Variants in MAMDC4 observed in about 807,000 individuals in gnomAD.
The protein encoded by MAMDC4 is MAM domain containing 4, also known as apical endosomal glycoprotein.
A neutral mutation model predicts 153.3 loss-of-function variants in MAMDC4; 168 were observed. That is an observed-to-expected ratio of 1.10 (90% confidence interval 0.97 to 1.25). The LOEUF is 1.25. Among genes scored for constraint, MAMDC4 ranks in the 50% most tolerant of loss-of-function variants. The probability of loss-of-function intolerance (pLI) is 0.00; values close to 1 mark genes in which losing one functional copy is unlikely to be tolerated. For missense variants in MAMDC4, 1,701 were observed against 1,542.8 expected, an observed-to-expected ratio of 1.10 and a Z score of -1.72; for synonymous variants, 744 against 651.5, an observed-to-expected ratio of 1.14 and a Z score of -2.16.
chr9:136,853,749 A>G (rs1391739507), intron 4 of MAMDC4, 28 bp from the exon 5 acceptor site: 1 of 1,607,028 alleles, frequency 6.2e-7, no homozygotes, highest in African/African-American at 1.3e-5. Flanking sequence ...GCAGGGCCGC[A>G]GCTGCCCTGG....
At position 136,858,199 on chromosome 9, in the gene MAMDC4, C is replaced by T. The variant is rs1279266923; in HGVS notation, c.2597C>T (p.Ala866Val). The T allele has an allele frequency of 6.3e-7, 1 of 1,593,214 alleles. No homozygotes were observed. The highest frequency in any genetic ancestry group is 8.5e-7 in the Non-Finnish European group (1 of 1,174,420). ...AERAWRVVFE[A>V]VAAGVAHSYV... ...TGCACCCGCCAGGTGGTGTTTGAGG[C>T]AGTGGCCGCAGGCGTGGCACACTCC... Residue 866 changes from alanine to valine, a missense_variant, in exon 21 of 27, where the codon GCA becomes GTA. Transcript: ENST00000317446.
At chr9:136,854,736 T>C (rs769945203) in intron 8 of MAMDC4, 26 bp from the exon 9 acceptor site, 19 of 1,612,420 alleles carry the variant, frequency 1.2e-5, no homozygotes, top group Middle Eastern at 1.6e-4. Context: ...CCAGTGGCCC[T>C]GGCCCACTCC....
Position 136,860,714 on chromosome 9 carries a change from G to T in MAMDC4, c.*111G>T, listed in dbSNP as rs1849079179. 15 of 1,235,790 alleles carry T rather than the reference G, an allele frequency of 1.2e-5. No homozygotes were observed. Among genetic ancestry groups the T allele is most frequent in the Non-Finnish European group, 1.5e-5 (13 of 854,404 alleles). 76.6% of individuals were successfully genotyped at this position (1,235,790 alleles called of 1,614,324 possible). On this transcript the variant is annotated 3_prime_UTR_variant, in exon 27 of 27. Coordinates refer to ENST00000317446, the MANE Select transcript of MAMDC4 (RefSeq NM_206920.3). Reference sequence around the variant, plus strand: ...AGGCTGGGACAGGCTGCAGGTCTCAGGATATGCTGAGGCCTGGGCGTTCCC... The same window carrying T: ...AGGCTGGGACAGGCTGCAGGTCTCATGATATGCTGAGGCCTGGGCGTTCCC...
intron 6 of MAMDC4, 35 bp from the exon 7 acceptor site, chr9:136,854,176 G>A: frequency 6.2e-7 from 1 of 1,611,780 alleles, no homozygotes; most frequent in Non-Finnish European, 8.5e-7. Flanking sequence ...CCCACTCCTG[G>A]GGCCTCGGTG....
Position 136,855,188 on chromosome 9 carries a change from G to A in MAMDC4, c.1198-66G>A, listed in dbSNP as rs778763045. The A allele has an allele frequency of 1.0e-4, 159 of 1,577,856 alleles. No homozygotes were observed. Among genetic ancestry groups the A allele is most frequent in the Non-Finnish European group, 1.2e-4 (137 of 1,162,674 alleles). Reference sequence around the variant, plus strand: ...GGGGAACCCACAAGGTACCCACTGCGGGTGGACAGGGACCAGACCCCAGGG... The same window carrying A: ...GGGGAACCCACAAGGTACCCACTGCAGGTGGACAGGGACCAGACCCCAGGG... On this transcript the variant is annotated intron_variant, in intron 10 of 26. Coordinates refer to ENST00000317446, the MANE Select transcript of MAMDC4 (RefSeq NM_206920.3).
Position 136,855,065 on chromosome 9 carries a change from C to T in MAMDC4, c.1152C>T (p.Ala384=). The T allele has an allele frequency of 6.2e-7, 1 of 1,601,938 alleles. No individual in the cohort carries two copies. The highest frequency in any genetic ancestry group is 8.5e-7 in the Non-Finnish European group (1 of 1,175,242). Residue 384 remains alanine (A), a synonymous_variant, in exon 10 of 27, where the codon GCC becomes GCT. Coordinates refer to ENST00000317446, the MANE Select transcript of MAMDC4 (RefSeq NM_206920.3). The part of the protein sequence containing the change: ...LRRRRGELGT[A]WVRDRVDIQS... ...GGCGCCGAGGGGAGCTGGGGACCGC[C>T]TGGGTCCGAGACCGTGTTGACATCC...
intron 25 of MAMDC4, 62 bp from the exon 26 acceptor site, chr9:136,859,824 T>C (rs776285314): frequency 6.3e-5 from 99 of 1,575,186 alleles, no homozygotes; most frequent in Middle Eastern, 2.3e-4. Flanking sequence ...GCCCCAGGCT[T>C]CCTCCTTAGC....
In MAMDC4 at chr9:136,852,420, C is replaced by T. The variant is rs1234021708; in HGVS notation, c.4C>T (p.Pro2Ser). The stretch of plus-strand genomic sequence containing the variant: ...CACTGCTCCCTCTGGCCCAACCATG[C>T]CTCTGTCCAGCCACCTGCTGCCCGC... M[P>S]LSSHLLPALV... The change falls in exon 1 of 27, where the codon CCT (proline) becomes TCT (serine). Residue 2 changes from proline to serine, a missense_variant. Transcript: ENST00000317446. 2 of 1,610,018 alleles carry T rather than the reference C, an allele frequency of 1.2e-6. No individual in the cohort carries two copies. Among genetic ancestry groups the T allele is most frequent in the Non-Finnish European group, 1.7e-6 (2 of 1,179,952 alleles).
rs1234441287 is a variant in MAMDC4 at position 136,857,145 on chromosome 9, G to T, written c.1973-20G>T. The T allele has an allele frequency of 1.2e-6, 2 of 1,612,184 alleles. No individual in the cohort carries two copies. On this transcript the variant is annotated intron_variant, in intron 16 of 26. Coordinates refer to ENST00000317446, the MANE Select transcript of MAMDC4 (RefSeq NM_206920.3). ...AGGCACAGGAGAGAGGTCAGTTATG[G>T]ACTGGTCCCCTCCCTGCAGGGACTC...
In MAMDC4 at chr9:136,855,861, G is replaced by A; in HGVS notation, c.1588+13G>A. 1 of 1,487,820 alleles carries A rather than the reference G, an allele frequency of 6.7e-7. No individual in the cohort carries two copies. Among genetic ancestry groups the A allele is most frequent in the Non-Finnish European group, 8.9e-7 (1 of 1,117,614 alleles). 92.2% of individuals were successfully genotyped at this position (1,487,820 alleles called of 1,614,324 possible). ...GCAGCTGCTGCTGGTGAGGCCCAAG[G>A]CCCAAGGCTCAAGCCCCCGCCCGGG... On this transcript the variant is annotated intron_variant, in intron 13 of 26. Transcript: ENST00000317446.
chr9:136,858,919 G>T, intron 23 of MAMDC4, 66 bp downstream of exon 23: 1 of 1,552,038 alleles, frequency 6.4e-7, no homozygotes, highest in South Asian at 1.2e-5. Flanking sequence ...AGCAGAGGTG[G>T]GGAGGTGGCC....
chr9:136,859,950 CCTGGTGCTG>C lies in MAMDC4; in HGVS notation c.3263_3271del (p.Val1088_Leu1090del). On this transcript the variant is annotated inframe_deletion, in exon 26 of 27. Transcript: ENST00000317446. Reference sequence around the variant, plus strand: ...GCAGTGCCCTCCTATTGCTCATGCTCCTGGTGCTGCTGGGACTTGGGGGACGGCGCTGGC... The same window carrying C: ...GCAGTGCCCTCCTATTGCTCATGCTCCTGGGACTTGGGGGACGGCGCTGGC... The C allele has an allele frequency of 1.2e-6, 2 of 1,613,062 alleles. No homozygotes were observed. Among genetic ancestry groups the C allele is most frequent in the Non-Finnish European group, 1.7e-6 (2 of 1,179,938 alleles).
At chr9:136,856,178 C>A in intron 14 of MAMDC4, 29 bp downstream of exon 14, 1 of 1,611,336 alleles carries the variant, frequency 6.2e-7, no homozygotes, top group Non-Finnish European at 8.5e-7. Flanking sequence ...AGTTCCCTGG[C>A]CAGCCCCTGG....
In MAMDC4 at chr9:136,860,600, G is replaced by C. The variant is rs138000291; in HGVS notation, c.3411G>C (p.Pro1137=). The change falls in exon 27 of 27, where the codon CCG becomes CCC. Residue 1137 remains proline, a synonymous_variant. Transcript: ENST00000317446. Reference sequence around the variant, plus strand: ...TCCCGGCATCTGTCACCAGTGATCCGTAGACCACCCCAGACAAGGCCCCGC... The same window carrying C: ...TCCCGGCATCTGTCACCAGTGATCCCTAGACCACCCCAGACAAGGCCCCGC... ...VTLPASVTSD[P] is the part of the protein sequence containing the mutation. 15 of 1,613,178 alleles carry C rather than the reference G, an allele frequency of 9.3e-6. No homozygotes were observed. In the South Asian group the frequency reaches 1.6e-4, roughly 18 times the overall value.
intron 25 of MAMDC4, 73 bp from the exon 26 acceptor site, chr9:136,859,813 A>C (rs1849059658): frequency 2.6e-5 from 40 of 1,523,918 alleles, no homozygotes; most frequent in Non-Finnish European, 3.3e-5. Flanking sequence ...GGGACCATGC[A>C]GCCCCAGGCT....
At position 136,860,597 on chromosome 9, in the gene MAMDC4, T is replaced by G. The variant is rs1849076756; in HGVS notation, c.3408T>G (p.Asp1136Glu). ...GVTLPASVTS[D>E]P is the part of the protein sequence containing the mutation. ...CCCTCCCGGCATCTGTCACCAGTGA[T>G]CCGTAGACCACCCCAGACAAGGCCC... Residue 1136 changes from aspartate to glutamate, a missense_variant, in exon 27 of 27, where the codon GAT (aspartate) becomes GAG (glutamate). Coordinates refer to ENST00000317446, the MANE Select transcript of MAMDC4 (RefSeq NM_206920.3). 3 of 1,613,130 alleles carry G rather than the reference T, an allele frequency of 1.9e-6. No homozygotes were observed. The highest frequency in any genetic ancestry group is 1.7e-6 in the Non-Finnish European group (2 of 1,179,884).
chr9:136,860,749 C>T lies in MAMDC4; in HGVS notation c.*146C>T, dbSNP rs561920217. The T allele has an allele frequency of 8.6e-6, 7 of 814,418 alleles. No individual in the cohort carries two copies. In the East Asian group the frequency reaches 1.3e-4, roughly 16 times the overall value. 50.4% of individuals were successfully genotyped at this position (814,418 alleles called of 1,614,324 possible). Reference sequence around the variant, plus strand: ...AGGCCTGGGCGTTCCCTGCCCTGTGCTGACTCTGTTGCTCTGTGAATAAAC... The same window carrying T: ...AGGCCTGGGCGTTCCCTGCCCTGTGTTGACTCTGTTGCTCTGTGAATAAAC... On this transcript the variant is annotated 3_prime_UTR_variant, in exon 27 of 27. Transcript: ENST00000317446.
At position 136,854,221 on chromosome 9, in the gene MAMDC4, C is replaced by T. The variant is rs1326427597; in HGVS notation, c.681C>T (p.Ala227=). ...CCCTGCCCCACCCAGCCCCCCAGGC[C>T]AACTGTCCCCCGGGACACCACCACT... The part of the protein sequence containing the change: ...FWDCGLPTPQ[A]NCPPGHHHCQ... Residue 227 remains alanine (A), a synonymous_variant, in exon 7 of 27, where the codon GCC becomes GCT. Transcript: ENST00000317446. 1.2e-6 allele frequency: 2 copies of T among 1,612,298 alleles called. No individual in the cohort carries two copies. The highest frequency in any genetic ancestry group is 1.1e-5 in the South Asian group (1 of 91,024).
intron 17 of MAMDC4, 24 bp downstream of exon 17, chr9:136,857,322 A>G: frequency 6.2e-7 from 1 of 1,606,746 alleles, no homozygotes; most frequent in Non-Finnish European, 8.5e-7. Flanking sequence ...CCCGGGTGGG[A>G]GGACAGGGCA....
Sources: gnomAD v4.1 joint callset for allele counts on GRCh38, gnomAD v4.1.1 for gene constraint, MANE v1.5 for transcripts, NCBI Gene and HGNC (gene_info 2026-07-23, HGNC 2026-07-21) for gene names.